Variants in ARHGAP21 observed in about 807,000 individuals in gnomAD.
ARHGAP21 encodes Rho GTPase activating protein 21.
A neutral mutation model predicts 164.6 loss-of-function variants in ARHGAP21; 38 were observed. That is an observed-to-expected ratio of 0.23 (90% CI 0.18 to 0.30). The LOEUF is 0.30. Among genes scored for constraint, ARHGAP21 ranks in the 10% least tolerant of loss-of-function variants. The probability of loss-of-function intolerance (pLI) is 1.00; values close to 1 mark genes in which losing one functional copy is unlikely to be tolerated. For synonymous variants in ARHGAP21, 766 were observed against 857.9 expected, an observed-to-expected ratio of 0.89 and a Z score of 1.87; for missense variants, 1,822 against 2,370.7, an observed-to-expected ratio of 0.77 and a Z score of 4.81.
At chr10:24,653,471 G>A (rs1359294688) in intron 4 of ARHGAP21, among the ~76,000 whole-genome samples, 6 of 152,078 alleles carry the variant, frequency 3.9e-5, no homozygotes, top group Admixed American at 1.3e-4. Context: ...AGCTACTTGG[G>A]AGGCTGAGGC....
At chr10:24,709,415 C>A in intron 2 of ARHGAP21, among the ~76,000 whole-genome samples, 1 of 152,248 alleles carries the variant, frequency 6.6e-6, no homozygotes, top group South Asian at 2.1e-4. Context: ...CTAACTCATT[C>A]TATGAGGCCA....
chr10:24,642,999 G>C (rs549846237), intron 4 of ARHGAP21, among the ~76,000 whole-genome samples: 2 of 152,140 alleles, frequency 1.3e-5, no homozygotes, highest in Non-Finnish European at 2.9e-5. Flanking sequence ...ATAGTGCTAC[G>C]ACTAATCTGT....
chr10:24,702,287 C>G (rs1843750934), intron 2 of ARHGAP21, among the ~76,000 whole-genome samples: 1 of 151,692 alleles, frequency 6.6e-6, no homozygotes, highest in Non-Finnish European at 1.5e-5. Context: ...CCCGCCATCA[C>G]GCCTGGCTAA....
intron 8 of ARHGAP21, among the ~76,000 whole-genome samples, 181 bp from the exon 9 acceptor site, chr10:24,621,550 A>G (rs1834544285): frequency 6.6e-6 from 1 of 152,236 alleles, no homozygotes; most frequent in Admixed American, 6.5e-5. Context: ...TCTCTCAGAA[A>G]TCAAATAAAC....
intron 6 of ARHGAP21, among the ~76,000 whole-genome samples, chr10:24,630,359 G>A (rs544994647): frequency 6.6e-6 from 1 of 152,034 alleles, no homozygotes; most frequent in Non-Finnish European, 1.5e-5. Context: ...ATAGTCCCAG[G>A]ACAAACTCTT....
At chr10:24,586,227 A>G in intron 25 of ARHGAP21, 121 bp from the exon 26 acceptor site, 1 of 1,284,412 alleles carries the variant, frequency 7.8e-7, no homozygotes, top group South Asian at 1.8e-5. Context: ...TGGAAGCATT[A>G]ACAGTGCAAT....
intron 4 of ARHGAP21, among the ~76,000 whole-genome samples, chr10:24,658,889 A>G (rs1488130507): frequency 1.3e-5 from 2 of 152,218 alleles, no homozygotes; most frequent in Non-Finnish European, 2.9e-5. Flanking sequence ...TTTGAACAGA[A>G]ATTTCTCCAC....
chr10:24,698,026 T>C (rs1190226421), intron 2 of ARHGAP21, among the ~76,000 whole-genome samples: 3 of 152,172 alleles, frequency 2.0e-5, no homozygotes, highest in African/African-American at 7.2e-5. Flanking sequence ...ATTTGCTTAT[T>C]ATATATGACC....
chr10:24,586,110 G>A lies in ARHGAP21; in HGVS notation c.4183-4C>T. The A allele has an allele frequency of 6.4e-7, 1 of 1,564,062 alleles. No individual in the cohort carries two copies. Among genetic ancestry groups the A allele is most frequent in the South Asian group, 1.2e-5 (1 of 82,268 alleles). On this transcript the variant is annotated splice_polypyrimidine_tract_variant and splice_region_variant and intron_variant, in intron 25 of 25. Transcript: ENST00000396432. ...CCTTTCCAGATCCCCAAGAACCCTG[G>A]GAAGCAAGAGAGAAGAAAGACTCTG...
chr10:24,650,639 T>A (rs1384708528), intron 4 of ARHGAP21, among the ~76,000 whole-genome samples: 1 of 152,186 alleles, frequency 6.6e-6, no homozygotes, highest in Non-Finnish European at 1.5e-5. Context: ...AAACAATAAA[T>A]ACATAATTAA....
intron 2 of ARHGAP21, among the ~76,000 whole-genome samples, chr10:24,705,671 T>TTCATTGCTTTCAATTAC (rs1256213165): frequency 1.3e-5 from 2 of 152,254 alleles, no homozygotes; most frequent in Non-Finnish European, 2.9e-5. Flanking sequence ...CATTTTCAAC[T>TTCATTGCTTTCAATTAC]GTTTTCCTTT....
intron 2 of ARHGAP21, among the ~76,000 whole-genome samples, chr10:24,685,800 TG>T (rs1251479051): frequency 6.6e-6 from 1 of 152,058 alleles, no homozygotes; most frequent in East Asian, 1.9e-4. Flanking sequence ...CGCTTGAACC[TG>T]GGAAGTGGAG....
intron 4 of ARHGAP21, among the ~76,000 whole-genome samples, chr10:24,662,905 A>G (rs1839849270): frequency 6.6e-6 from 1 of 151,586 alleles, no homozygotes; most frequent in Non-Finnish European, 1.5e-5. Flanking sequence ...GTAAACTTTT[A>G]CTACATTTCA....
At chr10:24,622,671 A>T in intron 8 of ARHGAP21, 62 bp downstream of exon 8, 1 of 1,530,698 alleles carries the variant, frequency 6.5e-7, no homozygotes, top group Non-Finnish European at 8.9e-7. Context: ...AGATTGGCTT[A>T]TTACAAATCT....
Position 24,692,347 on chromosome 10 carries a change from A to G in ARHGAP21, c.64-21950T>C, listed in dbSNP as rs1042106619. On this transcript the variant is annotated intron_variant, in intron 2 of 25. Transcript: ENST00000396432. The stretch of plus-strand genomic sequence containing the variant: ...GTCGATGAAAACATCCATGGAAAGT[A>G]TAGATTACGGGGGGAAAAACTGGTA... Among the ~76,000 whole-genome samples the G allele has an allele frequency of 2.6e-5, 4 of 152,236 alleles. No individual in the cohort carries two copies. In the East Asian group the frequency reaches 7.7e-4, roughly 29 times the overall value.
chr10:24,703,243 T>C (rs1480373143), intron 2 of ARHGAP21, among the ~76,000 whole-genome samples: 1 of 152,200 alleles, frequency 6.6e-6, no homozygotes, highest in Non-Finnish European at 1.5e-5. Flanking sequence ...GACCATGCAT[T>C]TGTAATTTTT....
At chr10:24,590,464 A>G (rs1323990210) in intron 24 of ARHGAP21, 2 of 1,535,148 alleles carry the variant, frequency 1.3e-6, no homozygotes, top group Non-Finnish European at 8.7e-7. Context: ...CGTGTGATAG[A>G]CTCCTCCCAC....
chr10:24,702,325 G>A (rs1228873123), intron 2 of ARHGAP21, among the ~76,000 whole-genome samples: 2 of 151,682 alleles, frequency 1.3e-5, no homozygotes, highest in Admixed American at 1.3e-4. Flanking sequence ...TAGAGACGGG[G>A]TTTCACCGTG....
In ARHGAP21 at chr10:24,620,493, G is replaced by C; in HGVS notation, c.1402C>G (p.Leu468Val). ...VSQERLEDSV[L>V]MKYCPRSASQ... ...GCACTTCTTGGACAATACTTCATTAGCACAGAATCTTCCAGTCTTTCTTGG... is the reference window on the plus strand; with the variant it reads ...GCACTTCTTGGACAATACTTCATTACCACAGAATCTTCCAGTCTTTCTTGG... Residue 468 changes from leucine (L) to valine (V), a missense_variant, in exon 9 of 26, where the codon CTA becomes GTA. This residue lies in a region of ARHGAP21 where 1,090 missense variants were observed against 1,378.9 expected (regional missense o/e 0.79). Coordinates refer to ENST00000396432, the MANE Select transcript of ARHGAP21 (RefSeq NM_020824.4). 1.2e-6 allele frequency: 2 copies of C among 1,611,482 alleles called. No individual in the cohort carries two copies. Among genetic ancestry groups the C allele is most frequent in the South Asian group, 1.1e-5 (1 of 90,922 alleles).
Sources: gnomAD v4.1 joint callset for allele counts (sites outside exome capture counted in the v4.1 genomes callset) on GRCh38, gnomAD v4.1.1 for gene constraint, gnomAD v4.1.1 regional missense constraint, MANE v1.5 for transcripts, NCBI Gene and HGNC (gene_info 2026-07-23, HGNC 2026-07-21) for gene names.